The following TECPR2 variants were observed in gnomAD, a reference collection of about 807,000 sequenced individuals.
The protein encoded by TECPR2 is tectonin beta-propeller repeat containing 2.
A neutral mutation model predicts 138.1 loss-of-function variants in TECPR2; 65 were observed. The observed-to-expected ratio is 0.47, with a 90% CI of 0.39 to 0.58. TECPR2 has a LOEUF of 0.58. Ranked by LOEUF, TECPR2 falls within the 20% of genes least tolerant of loss-of-function variation. TECPR2 has a pLI of 0.00. For missense variants in TECPR2, 1,553 were observed against 1,824.5 expected, an observed-to-expected ratio of 0.85 and a Z score of 2.71; for synonymous variants, 746 against 749.8, an observed-to-expected ratio of 0.99 and a Z score of 0.08.
chr14:102,434,931 A>G lies in TECPR2; in HGVS notation c.2114A>G (p.Asp705Gly), dbSNP rs1242934078. 3 of 1,613,816 alleles carry G rather than the reference A, an allele frequency of 1.9e-6. No individual in the cohort carries two copies. Among genetic ancestry groups the G allele is most frequent in the Non-Finnish European group, 2.5e-6 (3 of 1,180,048 alleles). ...CTCTGGCATGCTGTCACTGATGATG[A>G]CACAGGTCAGAAAGAAATACCCATT... ...TNLWHAVTDD[D>G]TGQKEIPISE... Residue 705 changes from aspartate (D) to glycine (G), a missense_variant, in exon 9 of 20, where the codon GAC (aspartate) becomes GGC (glycine). Transcript: ENST00000359520.
intron 17 of TECPR2, among the ~76,000 whole-genome samples, chr14:102,487,566 G>T (rs1891056333): frequency 6.6e-6 from 1 of 151,982 alleles, no homozygotes; most frequent in African/African-American, 2.4e-5. Context: ...TTTTGAGATG[G>T]AGTCTCGCTC....
chr14:102,397,257 G>A (rs1047421249), intron 2 of TECPR2, among the ~76,000 whole-genome samples: 1 of 151,994 alleles, frequency 6.6e-6, no homozygotes, highest in Non-Finnish European at 1.5e-5. Flanking sequence ...GAAAAGGGGA[G>A]GATCTGATTT....
chr14:102,490,753 G>C (rs986525899), intron 17 of TECPR2, among the ~76,000 whole-genome samples: 1 of 152,222 alleles, frequency 6.6e-6, no homozygotes, highest in Non-Finnish European at 1.5e-5. Context: ...GGGCCTGCCT[G>C]TACCACCAGC....
At chr14:102,471,710 C>T (rs906434528) in intron 17 of TECPR2, among the ~76,000 whole-genome samples, 6 of 151,192 alleles carry the variant, frequency 4.0e-5, no homozygotes, top group Admixed American at 2.6e-4. Context: ...CAGAGCACAA[C>T]GCTAATAATA....
intron 17 of TECPR2, among the ~76,000 whole-genome samples, chr14:102,466,540 T>C (rs563894485): frequency 6.6e-6 from 1 of 152,344 alleles, no homozygotes; most frequent in African/African-American, 2.4e-5. Flanking sequence ...AAGCCGCCTG[T>C]CGTTAGTTTC....
At chr14:102,478,773 T>C (rs978635751) in intron 17 of TECPR2, among the ~76,000 whole-genome samples, 1 of 152,056 alleles carries the variant, frequency 6.6e-6, no homozygotes, top group African/African-American at 2.4e-5. Flanking sequence ...CCCAGCACTA[T>C]GGGAGGCCGA....
chr14:102,377,158 C>CTTTA (rs1257846515), intron 2 of TECPR2, among the ~76,000 whole-genome samples: 1 of 152,148 alleles, frequency 6.6e-6, no homozygotes, highest in African/African-American at 2.4e-5. Context: ...TCTAACATCA[C>CTTTA]TTTATTTATT....
chr14:102,492,357 G>A (rs1400148256), intron 17 of TECPR2, among the ~76,000 whole-genome samples: 1 of 152,214 alleles, frequency 6.6e-6, no homozygotes, highest in East Asian at 1.9e-4. Flanking sequence ...CTGGTGTCAG[G>A]AGTGTGGCAG....
At chr14:102,385,636 G>A (rs1321975545) in intron 2 of TECPR2, among the ~76,000 whole-genome samples, 1 of 152,060 alleles carries the variant, frequency 6.6e-6, no homozygotes, top group Non-Finnish European at 1.5e-5. Flanking sequence ...AGAATCCCAT[G>A]TAAAGATTTT....
intron 8 of TECPR2, among the ~76,000 whole-genome samples, chr14:102,433,226 C>T (rs1286299680): frequency 3.3e-5 from 5 of 150,284 alleles, no homozygotes; most frequent in East Asian, 3.9e-4. Flanking sequence ...GGGGTCCATG[C>T]GCAGGTTTGT....
At chr14:102,363,261 G>T (rs1470258073) in intron 1 of TECPR2, 145 bp downstream of exon 1, 1 of 193,468 alleles carries the variant, frequency 5.2e-6, no homozygotes, top group Non-Finnish European at 1.0e-5. Context: ...CGTCTCCCTC[G>T]CCCGCGGTCT....
intron 2 of TECPR2, among the ~76,000 whole-genome samples, chr14:102,406,607 A>C (rs1476806942): frequency 6.6e-6 from 1 of 152,138 alleles, no homozygotes; most frequent in Non-Finnish European, 1.5e-5. Flanking sequence ...TAATCCCAGC[A>C]CTTTGAGAGG....
At chr14:102,401,705 T>C (rs900070788) in intron 2 of TECPR2, among the ~76,000 whole-genome samples, 1 of 145,640 alleles carries the variant, frequency 6.9e-6, no homozygotes, top group African/African-American at 2.6e-5. Flanking sequence ...CTCAGGAGGC[T>C]GAGGCAGGAG....
intron 17 of TECPR2, among the ~76,000 whole-genome samples, chr14:102,492,600 G>A (rs1043083456): frequency 5.5e-4 from 84 of 152,230 alleles, no homozygotes; most frequent in African/African-American, 1.9e-3. Context: ...CATCCTCCAC[G>A]CACCTCCTCA....
intron 6 of TECPR2, among the ~76,000 whole-genome samples, chr14:102,427,521 C>G (rs919218549): frequency 6.6e-6 from 1 of 152,202 alleles, no homozygotes; most frequent in Non-Finnish European, 1.5e-5. Flanking sequence ...CCTTCTACAA[C>G]AGACTAGTCT....
Position 102,447,143 on chromosome 14 carries a change from T to G in TECPR2, c.3075+1196T>G, listed in dbSNP as rs374119760. ...CCCAGCAAGAGCGCCTAGAATGAAT[T>G]TCTCTTTTCTTTTTCTTTTCTTTTT... On this transcript the variant is annotated intron_variant, in intron 13 of 19. Transcript: ENST00000359520. Among the ~76,000 whole-genome samples, 5 of 152,264 alleles carry G rather than the reference T, an allele frequency of 3.3e-5. No homozygotes were observed. In the South Asian group the frequency reaches 1.0e-3, roughly 32 times the overall value.
At chr14:102,460,263 G>C (rs1373667363) in intron 16 of TECPR2, among the ~76,000 whole-genome samples, 4 of 152,072 alleles carry the variant, frequency 2.6e-5, no homozygotes, top group African/African-American at 9.7e-5. Context: ...CTGCACTCCA[G>C]CCTGGGCGAC....
At chr14:102,376,224 A>G (rs538879595) in intron 1 of TECPR2, among the ~76,000 whole-genome samples, 7 of 152,272 alleles carry the variant, frequency 4.6e-5, no homozygotes, top group South Asian at 2.1e-4. Flanking sequence ...GGTGGGCTTC[A>G]TAGTTCAGGA....
intron 10 of TECPR2, 54 bp downstream of exon 10, chr14:102,438,259 TC>T: frequency 1.3e-6 from 2 of 1,552,622 alleles, no homozygotes. Context: ...CCGCTCCTGC[TC>T]CCCGCCCCCG....
Sources: gnomAD v4.1 joint callset for allele counts (sites outside exome capture counted in the v4.1 genomes callset) on GRCh38, gnomAD v4.1.1 for gene constraint, MANE v1.5 for transcripts, NCBI Gene and HGNC (gene_info 2026-07-23, HGNC 2026-07-21) for gene names.